THAP4: variants seen among roughly 807,000 people sequenced by gnomAD.
THAP4 encodes peroxynitrite isomerase THAP4.
THAP4 carries 18 observed loss-of-function variants against 48.1 expected under a neutral mutation model. The ratio of observed to expected loss-of-function variants is 0.37; its 90% CI spans 0.26 to 0.56. The LOEUF (loss-of-function observed/expected upper bound fraction) is 0.56, where lower values mean the gene tolerates loss of function less well. THAP4 is among the 20% of genes least tolerant of loss of function. The pLI, the probability that THAP4 is intolerant of heterozygous loss-of-function variation, is 0.78. For synonymous variants in THAP4, 345 were observed against 324.9 expected (o/e 1.06, Z -0.66); for missense variants, 656 against 774.9 (o/e 0.85, Z 1.82).
chr2:241,624,312 A>G (rs913777080), intron 2 of THAP4, among the ~76,000 whole-genome samples: 2 of 152,012 alleles, frequency 1.3e-5, no homozygotes, highest in Admixed American at 6.6e-5. Context: ...AAGGTGAAAC[A>G]CAGTCTCTAC....
intron 3 of THAP4, among the ~76,000 whole-genome samples, chr2:241,604,510 C>T (rs1278105140): frequency 1.3e-5 from 2 of 152,124 alleles, no homozygotes; most frequent in Non-Finnish European, 2.9e-5. Flanking sequence ...CTCAGCCTCT[C>T]AAAGTGCTGG....
chr2:241,594,589 A>AAACAAC, intron 5 of THAP4: 3 of 358,104 alleles, frequency 8.4e-6, no homozygotes, highest in Non-Finnish European at 1.7e-5. Context: ...AAACAAAACA[A>AAACAAC]AACAACAACA....
intron 4 of THAP4, 72 bp downstream of exon 4, chr2:241,602,898 C>T (rs765012080): frequency 1.3e-5 from 16 of 1,197,550 alleles, no homozygotes; most frequent in Non-Finnish European, 1.8e-5. Flanking sequence ...ATGGGCATCC[C>T]TGCACCCCTG....
chr2:241,606,427 C>G lies in THAP4; in HGVS notation c.1287G>C (p.Leu429=). The change falls in exon 3 of 6, where the codon CTG becomes CTC. Residue 429 remains leucine (L), a synonymous_variant. Transcript: ENST00000407315. ...CAGGTGGGTCCGACAGCCAGGTGCC[C>G]AGCATCCAGGACAGTGGCTCCACCA... ...NPVVEPLSWM[L]GTWLSDPPGA... 3.1e-6 allele frequency: 5 copies of G among 1,608,528 alleles called. No individual in the cohort carries two copies. The highest frequency in any genetic ancestry group is 4.2e-6 in the Non-Finnish European group (5 of 1,177,492).
At chr2:241,623,602 AAAG>A (rs1430575083) in intron 2 of THAP4, among the ~76,000 whole-genome samples, 6 of 151,918 alleles carry the variant, frequency 3.9e-5, no homozygotes, top group African/African-American at 1.5e-4. Context: ...GGAAAAAAAA[AAAG>A]AGAGAAGGTA....
At chr2:241,631,024 C>G (rs1485037728) in intron 2 of THAP4, among the ~76,000 whole-genome samples, 1 of 152,062 alleles carries the variant, frequency 6.6e-6, no homozygotes, top group Non-Finnish European at 1.5e-5. Context: ...CACCACTGCA[C>G]TCCAACCTCG....
chr2:241,599,926 G>C (rs1034521217), intron 5 of THAP4, among the ~76,000 whole-genome samples: 1 of 152,078 alleles, frequency 6.6e-6, no homozygotes, highest in Non-Finnish European at 1.5e-5. Context: ...AAAGACAAAC[G>C]AGGCTGGGCA....
chr2:241,625,341 G>A (rs893298402), intron 2 of THAP4, among the ~76,000 whole-genome samples: 13 of 151,940 alleles, frequency 8.6e-5, no homozygotes, highest in East Asian at 1.9e-4. Context: ...CCAGTGTGAC[G>A]GCACGTGTCC....
chr2:241,628,829 A>G (rs2067524621), intron 2 of THAP4, among the ~76,000 whole-genome samples: 1 of 149,554 alleles, frequency 6.7e-6, no homozygotes, highest in South Asian at 2.1e-4. Context: ...AGTCCCAGCT[A>G]CTCAGGAGGC....
At chr2:241,590,992 T>C (rs879857591) in intron 5 of THAP4, among the ~76,000 whole-genome samples, 14 of 142,748 alleles carry the variant, frequency 9.8e-5, no homozygotes, top group East Asian at 6.4e-4. Context: ...TCAGAGCTGC[T>C]CGGCTGACAA....
intron 2 of THAP4, chr2:241,617,441 C>G: frequency 6.4e-7 from 1 of 1,551,602 alleles, no homozygotes; most frequent in South Asian, 1.2e-5. Context: ...ACTCCGGACA[C>G]TCGTCAAGGT....
At chr2:241,598,681 G>C in intron 5 of THAP4, among the ~76,000 whole-genome samples, 1 of 152,094 alleles carries the variant, frequency 6.6e-6, no homozygotes, top group Non-Finnish European at 1.5e-5. Context: ...CCACCTGATG[G>C]ACAGGAGGTG....
chr2:241,593,665 G>A (rs1341844514), intron 5 of THAP4, among the ~76,000 whole-genome samples: 2 of 152,216 alleles, frequency 1.3e-5, no homozygotes, highest in African/African-American at 2.4e-5. Flanking sequence ...TTGAAAATGT[G>A]TTTCAGAGGC....
chr2:241,637,192 G>A (rs1357343039), upstream of THAP4: 2 of 986,066 alleles, frequency 2.0e-6, no homozygotes, highest in African/African-American at 3.5e-5. Context: ...GCCCGCCCCC[G>A]CCCCAGCCCC....
intron 1 of THAP4, 52 bp from the exon 2 acceptor site, chr2:241,634,131 A>G (rs2067607417): frequency 2.9e-6 from 4 of 1,381,206 alleles, no homozygotes; most frequent in Non-Finnish European, 3.9e-6. Context: ...GTCTCCCCTT[A>G]AAATAATCAA....
intron 5 of THAP4, among the ~76,000 whole-genome samples, chr2:241,588,137 AGCT>A (rs1424973145): frequency 3.3e-5 from 5 of 152,226 alleles, no homozygotes; most frequent in Non-Finnish European, 5.9e-5. Flanking sequence ...AATATACAAC[AGCT>A]AATTGTACTT....
intron 2 of THAP4, among the ~76,000 whole-genome samples, chr2:241,615,431 T>TA (rs1396642459): frequency 6.6e-6 from 1 of 152,216 alleles, no homozygotes; most frequent in Non-Finnish European, 1.5e-5. Context: ...CAAGAGTGTT[T>TA]ACTATGTTAC....
chr2:241,619,877 G>GT (rs1167458463), intron 2 of THAP4, among the ~76,000 whole-genome samples: 2 of 86,302 alleles, frequency 2.3e-5, no homozygotes, highest in Non-Finnish European at 4.8e-5. Context: ...CGGTGAGTGA[G>GT]GGGTGAGTGA....
intron 2 of THAP4, among the ~76,000 whole-genome samples, chr2:241,624,258 C>A (rs2067468922): frequency 6.6e-6 from 1 of 152,162 alleles, no homozygotes; most frequent in Non-Finnish European, 1.5e-5. Flanking sequence ...GAGGCTGAGG[C>A]GGGCAGATCA....
Sources: allele counts gnomAD v4.1 joint callset (sites outside exome capture counted in the v4.1 genomes callset), GRCh38; gene constraint gnomAD v4.1.1; transcripts MANE v1.5; gene names NCBI Gene and HGNC (gene_info 2026-07-23, HGNC 2026-07-21).